Variants in NARS2 observed in about 807,000 individuals in gnomAD.
NARS2 encodes the protein asparaginyl-tRNA synthetase.
A neutral mutation model predicts 62.9 loss-of-function variants in NARS2; 60 were observed. That is an observed-to-expected ratio of 0.95 (90% confidence interval 0.77 to 1.18). NARS2 has a LOEUF of 1.18. Among genes scored for constraint, NARS2 ranks in the 50% most tolerant of loss-of-function variants. The pLI, the probability that NARS2 is intolerant of heterozygous loss-of-function variation, is 0.00. For missense variants in NARS2, 619 were observed against 576.4 expected, an observed-to-expected ratio of 1.07 and a Z score of -0.76; for synonymous variants, 196 against 200.0, an observed-to-expected ratio of 0.98 and a Z score of 0.17.
At chr11:78,460,346 A>T (rs1858348479) in intron 11 of NARS2, among the ~76,000 whole-genome samples, 2 of 151,114 alleles carry the variant, frequency 1.3e-5, no homozygotes, top group Non-Finnish European at 1.5e-5. Context: ...GGATCAAGTG[A>T]TCTGTGCACC....
rs567927067 is a variant in NARS2 at position 78,443,132 on chromosome 11, C to T, written c.1262+529G>A. 1.3e-3 allele frequency among the ~76,000 whole-genome samples: 202 copies of T among 152,048 alleles called. 1 individual carries two copies. The highest frequency in any genetic ancestry group is 1.9e-3 in the Non-Finnish European group (129 of 67,984). ...CGAGGTCAGGAGATCAAGACCATCC[C>T]GGCTAACACGGTGAAACTCTGTCTC... On this transcript the variant is annotated intron_variant, in intron 12 of 13. Coordinates refer to ENST00000281038, the MANE Select transcript of NARS2 (RefSeq NM_024678.6).
In NARS2 at chr11:78,544,018, C is replaced by CAAAAAA. The variant is rs10688131; in HGVS notation, c.595-15088_595-15083dup. On this transcript the variant is annotated intron_variant, in intron 5 of 13. Coordinates refer to ENST00000281038, the MANE Select transcript of NARS2 (RefSeq NM_024678.6). Reference sequence around the variant, plus strand: ...CTGGCAACAGAGTAAGACTCTGTCTCAAAAAAAAAAAAAAAAAAAAAACTC... The same window carrying CAAAAAA: ...CTGGCAACAGAGTAAGACTCTGTCTCAAAAAAAAAAAAAAAAAAAAAAAAAAAACTC... Among the ~76,000 whole-genome samples the CAAAAAA allele has an allele frequency of 3.2e-3, 232 of 73,636 alleles. 13 individuals are homozygous for CAAAAAA. The highest frequency in any genetic ancestry group is 9.3e-3 in the Middle Eastern group (1 of 108). 48.3% of individuals were successfully genotyped at this position (73,636 alleles called of 152,430 possible). A position where few individuals can be genotyped will look rare whatever the true frequency, so the allele number is the denominator to read the frequency against.
chr11:78,556,571 T>C (rs775311049), intron 5 of NARS2, among the ~76,000 whole-genome samples: 3 of 152,230 alleles, frequency 2.0e-5, no homozygotes, highest in Non-Finnish European at 4.4e-5. Flanking sequence ...TAAAGATCAA[T>C]TGCTTTTTGA....
chr11:78,469,517 C>A (rs913675374), intron 9 of NARS2, among the ~76,000 whole-genome samples: 1 of 152,196 alleles, frequency 6.6e-6, no homozygotes, highest in Non-Finnish European at 1.5e-5. Context: ...CATCTACTTG[C>A]AATATACACA....
chr11:78,551,593 G>A (rs934718920), intron 5 of NARS2, among the ~76,000 whole-genome samples: 2 of 152,004 alleles, frequency 1.3e-5, no homozygotes, highest in Admixed American at 6.6e-5. Context: ...GCTCATGCCT[G>A]TAATCCCAGC....
intron 13 of NARS2, among the ~76,000 whole-genome samples, chr11:78,437,701 G>C (rs1591112773): frequency 6.6e-6 from 1 of 152,132 alleles, no homozygotes; most frequent in East Asian, 1.9e-4. Flanking sequence ...TATCGGCCGG[G>C]TGTGGTGGCT....
intron 5 of NARS2, among the ~76,000 whole-genome samples, chr11:78,555,845 CCTTA>C (rs1401636802): frequency 1.3e-5 from 2 of 152,134 alleles, no homozygotes; most frequent in African/African-American, 4.8e-5. Flanking sequence ...CTGAACACTG[CCTTA>C]CTTGTGTCCC....
intron 7 of NARS2, among the ~76,000 whole-genome samples, chr11:78,489,330 A>G (rs1859716464): frequency 6.6e-6 from 1 of 152,218 alleles, no homozygotes; most frequent in Non-Finnish European, 1.5e-5. Context: ...AAGTACATGA[A>G]AAGATGCTCA....
At chr11:78,490,023 A>AG (rs1859748451) in intron 7 of NARS2, among the ~76,000 whole-genome samples, 1 of 152,202 alleles carries the variant, frequency 6.6e-6, no homozygotes, top group African/African-American at 2.4e-5. Context: ...TAGGTGACAG[A>AG]GTGAGACCCT....
At chr11:78,544,605 T>C (rs1192534674) in intron 5 of NARS2, among the ~76,000 whole-genome samples, 5 of 151,928 alleles carry the variant, frequency 3.3e-5, no homozygotes, top group Admixed American at 6.6e-5. Context: ...CCATCCTGGC[T>C]AACACGGTGA....
intron 5 of NARS2, among the ~76,000 whole-genome samples, chr11:78,547,711 T>C (rs1313158942): frequency 2.0e-5 from 3 of 152,214 alleles, no homozygotes; most frequent in Non-Finnish European, 1.5e-5. Context: ...CTAATAATCA[T>C]GAACATCATT....
chr11:78,439,194 C>T (rs529519619), intron 13 of NARS2, among the ~76,000 whole-genome samples: 13 of 152,140 alleles, frequency 8.5e-5, no homozygotes, highest in Non-Finnish European at 1.3e-4. Context: ...CCTGTCACCA[C>T]GCTGGGCTAA....
intron 9 of NARS2, among the ~76,000 whole-genome samples, chr11:78,475,649 G>A (rs1859062443): frequency 1.4e-5 from 2 of 139,298 alleles, no homozygotes; most frequent in African/African-American, 5.4e-5. Context: ...CTGGAGTGCA[G>A]CAGCGTCTGT....
At position 78,528,887 on chromosome 11, in the gene NARS2, G is replaced by C; in HGVS notation, c.644C>G (p.Ala215Gly). The stretch of plus-strand genomic sequence containing the variant: ...AAGTTGTCCTGAGACAGTTAAGAAA[G>C]CAGGAACATTGAAGAAATTCTCCTC... ...VPEENFFNVP[A>G]FLTVSGQLHL... is the part of the protein sequence containing the mutation. Residue 215 changes from alanine to glycine, a missense_variant, in exon 6 of 14, where the codon GCT becomes GGT. By Grantham distance (60) the Ala-to-Gly change is moderately conservative. Coordinates refer to ENST00000281038, the MANE Select transcript of NARS2 (RefSeq NM_024678.6). The C allele has an allele frequency of 1.2e-6, 2 of 1,612,980 alleles. No homozygotes were observed. The highest frequency in any genetic ancestry group is 1.7e-6 in the Non-Finnish European group (2 of 1,179,496).
rs149924894 is a variant in NARS2 at position 78,448,556 on chromosome 11, C to A, written c.1165-4798G>T. ...ACGAGGTCTTGACCTCGTGATCCAC[C>A]CGCCTCATCCTCCCAAAGTGCTGGG... On this transcript the variant is annotated intron_variant, in intron 11 of 13. Transcript: ENST00000281038. 6.9e-3 allele frequency among the ~76,000 whole-genome samples: 1,055 copies of A among 152,264 alleles called. 12 individuals are homozygous for A. The highest frequency in any genetic ancestry group is 0.024 in the African/African-American group (1,001 of 41,532).
At chr11:78,508,949 TA>T (rs1860610347) in intron 6 of NARS2, among the ~76,000 whole-genome samples, 1 of 152,042 alleles carries the variant, frequency 6.6e-6, no homozygotes, top group East Asian at 1.9e-4. Context: ...ATCCTGTTTC[TA>T]TTAAAAATAC....
chr11:78,449,566 G>C (rs1307936934), intron 11 of NARS2, among the ~76,000 whole-genome samples: 1 of 151,984 alleles, frequency 6.6e-6, no homozygotes, highest in African/African-American at 2.4e-5. Flanking sequence ...GCTGCACTTA[G>C]TATAAAATTA....
chr11:78,438,666 T>C (rs1857485313), intron 13 of NARS2, among the ~76,000 whole-genome samples: 6 of 152,224 alleles, frequency 3.9e-5, no homozygotes, highest in Admixed American at 3.9e-4. Context: ...TTTGTTTGAT[T>C]GTTGTTAAAT....
chr11:78,530,297 CATT>C (rs1861431237), intron 5 of NARS2, among the ~76,000 whole-genome samples: 1 of 152,062 alleles, frequency 6.6e-6, no homozygotes. Flanking sequence ...GATATTTCTT[CATT>C]ATTTACTAAA....
Sources: gnomAD v4.1 joint callset for allele counts (sites outside exome capture counted in the v4.1 genomes callset) on GRCh38, gnomAD v4.1.1 for gene constraint, MANE v1.5 for transcripts, NCBI Gene and HGNC (gene_info 2026-07-23, HGNC 2026-07-21) for gene names.